The following MBOAT1 variants were observed in gnomAD, a reference collection of about 807,000 sequenced individuals.
The protein encoded by MBOAT1 is membrane-bound glycerophospholipid O-acyltransferase 1.
Under a neutral mutation model 64.4 loss-of-function variants are expected in MBOAT1, and 67 were observed. That is an observed-to-expected ratio of 1.04 (90% CI 0.85 to 1.27). The LOEUF is 1.27. Among genes scored for constraint, MBOAT1 ranks in the 50% most tolerant of loss-of-function variants. MBOAT1 has a pLI of 0.00. For synonymous variants in MBOAT1, 229 were observed against 218.9 expected (o/e 1.05, Z -0.41); for missense variants, 563 against 604.6 (o/e 0.93, Z 0.72).
intron 3 of MBOAT1, among the ~76,000 whole-genome samples, chr6:20,148,083 T>C (rs1380098577): frequency 6.6e-6 from 1 of 152,176 alleles, no homozygotes; most frequent in Non-Finnish European, 1.5e-5. Flanking sequence ...ACAGGGGGTA[T>C]CCCCAAAACC....
chr6:20,152,310 G>C (rs370858048), intron 2 of MBOAT1, among the ~76,000 whole-genome samples: 1 of 149,228 alleles, frequency 6.7e-6, no homozygotes, highest in African/African-American at 2.5e-5. Context: ...CTGGGCGACA[G>C]AGCGAGACTC....
chr6:20,189,363 G>A (rs955695305), intron 1 of MBOAT1, among the ~76,000 whole-genome samples: 2 of 152,148 alleles, frequency 1.3e-5, no homozygotes, highest in African/African-American at 4.8e-5. Context: ...TCATTTATTT[G>A]TGGTGAGAAC....
chr6:20,143,312 A>G (rs1761233582), intron 4 of MBOAT1, among the ~76,000 whole-genome samples: 12 of 152,200 alleles, frequency 7.9e-5, no homozygotes, highest in Admixed American at 7.9e-4. Flanking sequence ...CATGTGACCA[A>G]TCAGAATGCG....
intron 1 of MBOAT1, among the ~76,000 whole-genome samples, chr6:20,201,361 A>C (rs1763119403): frequency 7.1e-6 from 1 of 141,588 alleles, no homozygotes; most frequent in Non-Finnish European, 1.6e-5. Context: ...GAAGGGAGGG[A>C]GGGAGGGAAC....
At chr6:20,184,550 A>G (rs1208407361) in intron 1 of MBOAT1, among the ~76,000 whole-genome samples, 3 of 152,078 alleles carry the variant, frequency 2.0e-5, no homozygotes, top group Non-Finnish European at 4.4e-5. Flanking sequence ...CTGTGTGTCT[A>G]TAAGCCCCAA....
chr6:20,144,436 T>C lies in MBOAT1; in HGVS notation c.324-121A>G, dbSNP rs114151101. The C allele has an allele frequency of 2.1e-3, 1,396 of 669,714 alleles. 16 individuals are homozygous for C. In the African/African-American group the frequency reaches 0.022, roughly 10 times the overall value. 41.5% of individuals were successfully genotyped at this position (669,714 alleles called of 1,614,324 possible). A position where few individuals can be genotyped will look rare whatever the true frequency, so the allele number is the denominator to read the frequency against. ...GTTGGTCACAATGTCCTATCTGGTC[T>C]GACGACATCCCAGGCCACCTTTCCA... is the stretch of plus-strand genomic sequence containing the variant. On this transcript the variant is annotated intron_variant, in intron 3 of 12. Transcript: ENST00000324607.
rs1763464348 is a variant in MBOAT1, at chr6:20,212,323, C to A, written c.-89G>T. ...CCGCCCGGGTGCTCTTGGGTGGTTG[C>A]CCCGAGAGGCGCACGGCCGCCTGGT... On this transcript the variant is annotated 5_prime_UTR_variant, in exon 1 of 13. Transcript: ENST00000324607. 2 of 1,228,648 alleles carry A rather than the reference C, an allele frequency of 1.6e-6. No homozygotes were observed. The highest frequency in any genetic ancestry group is 1.5e-5 in the African/African-American group (1 of 66,762). 76.1% of individuals were successfully genotyped at this position (1,228,648 alleles called of 1,614,324 possible).
intron 3 of MBOAT1, among the ~76,000 whole-genome samples, chr6:20,147,973 C>G (rs979965771): frequency 6.6e-6 from 1 of 152,236 alleles, no homozygotes; most frequent in Non-Finnish European, 1.5e-5. Context: ...GCTAGGCCCT[C>G]TGCCCCAGGA....
chr6:20,116,063 G>A (rs1760309702), intron 9 of MBOAT1, among the ~76,000 whole-genome samples: 1 of 152,098 alleles, frequency 6.6e-6, no homozygotes, highest in South Asian at 2.1e-4. Flanking sequence ...CGGGCGTGGT[G>A]GCTCATGCCT....
At chr6:20,162,560 T>A (rs1352312198) in intron 1 of MBOAT1, among the ~76,000 whole-genome samples, 1 of 152,236 alleles carries the variant, frequency 6.6e-6, no homozygotes, top group African/African-American at 2.4e-5. Flanking sequence ...ATTAAACACA[T>A]ATTATGTGCT....
chr6:20,113,914 A>G (rs1344307660), intron 10 of MBOAT1, among the ~76,000 whole-genome samples: 1 of 152,174 alleles, frequency 6.6e-6, no homozygotes, highest in African/African-American at 2.4e-5. Flanking sequence ...GTCAACAGTA[A>G]CCGATTTAAA....
chr6:20,144,188 TA>T, intron 4 of MBOAT1, 31 bp downstream of exon 4: 3 of 1,454,002 alleles, frequency 2.1e-6, no homozygotes, highest in South Asian at 1.2e-5. Flanking sequence ...AAGTCAGCAG[TA>T]AAACCCCTCT....
chr6:20,164,549 T>G (rs1761960451), intron 1 of MBOAT1, among the ~76,000 whole-genome samples: 1 of 152,206 alleles, frequency 6.6e-6, no homozygotes, highest in Admixed American at 6.5e-5. Flanking sequence ...AAAGATCTGT[T>G]TTTTTGAAAA....
chr6:20,164,757 G>A (rs899299168), intron 1 of MBOAT1, among the ~76,000 whole-genome samples: 2 of 152,172 alleles, frequency 1.3e-5, no homozygotes, highest in African/African-American at 4.8e-5. Context: ...GTATGTTAGA[G>A]TACAGACAGT....
chr6:20,111,534 T>C (rs1760136876), intron 11 of MBOAT1, among the ~76,000 whole-genome samples: 1 of 151,994 alleles, frequency 6.6e-6, no homozygotes. Context: ...AAAGAAAAGC[T>C]CTACACAGAT....
intron 12 of MBOAT1, among the ~76,000 whole-genome samples, chr6:20,104,089 A>G (rs947812498): frequency 1.3e-5 from 2 of 152,198 alleles, no homozygotes; most frequent in Non-Finnish European, 1.5e-5. Flanking sequence ...AATTGCCTAC[A>G]GTATTCAGTA....
intron 1 of MBOAT1, among the ~76,000 whole-genome samples, chr6:20,182,321 C>T (rs761546827): frequency 5.9e-5 from 9 of 152,242 alleles, no homozygotes; most frequent in Non-Finnish European, 1.0e-4. Flanking sequence ...CAAACAAGCT[C>T]CCTCCAGTCT....
intron 11 of MBOAT1, 23 bp downstream of exon 11, chr6:20,112,853 C>T: frequency 1.2e-6 from 2 of 1,606,846 alleles, no homozygotes; most frequent in African/African-American, 1.3e-5. Flanking sequence ...AGGGGAAAGA[C>T]CCTAGGCCTA....
chr6:20,137,464 C>T (rs979029531), intron 4 of MBOAT1, among the ~76,000 whole-genome samples: 3 of 151,602 alleles, frequency 2.0e-5, no homozygotes, highest in South Asian at 2.1e-4. Context: ...CATTGAGCTT[C>T]CCCCAGGAGA....
Sources: allele counts gnomAD v4.1 joint callset (sites outside exome capture counted in the v4.1 genomes callset), GRCh38; gene constraint gnomAD v4.1.1; transcripts MANE v1.5; gene names NCBI Gene and HGNC (gene_info 2026-07-23, HGNC 2026-07-21).